Variants in KIAA1217 observed in about 807,000 individuals in gnomAD.
KIAA1217 encodes sickle tail protein homolog.
KIAA1217 carries 88 observed loss-of-function variants against 163.9 expected under a neutral mutation model. The ratio of observed to expected loss-of-function variants is 0.54; its 90% CI spans 0.45 to 0.64. The LOEUF is 0.64. KIAA1217 is among the 30% of genes least tolerant of loss of function. The pLI, the probability that KIAA1217 is intolerant of heterozygous loss-of-function variation, is 0.00. For missense variants in KIAA1217, 2,372 were observed against 2,475.0 expected (o/e 0.96, Z 0.88); for synonymous variants, 903 against 923.1 (o/e 0.98, Z 0.39).
rs191220544 is a variant in KIAA1217, at chr10:24,307,065, C to G, written c.355-73804C>G. Among the ~76,000 whole-genome samples, 451 of 152,314 alleles carry G rather than the reference C, an allele frequency of 3.0e-3. 7 individuals are homozygous for G. Among genetic ancestry groups the G allele is most frequent in the Admixed American group, 9.7e-3 (149 of 15,308 alleles). ...TGCAGCAGCTTTCACGTCAGTATTT[C>G]TCCTGAAGGTCTTAGTTTATTTTAT... On this transcript the variant is annotated intron_variant, in intron 2 of 20. Coordinates refer to ENST00000376454, the MANE Select transcript of KIAA1217 (RefSeq NM_019590.5).
chr10:24,030,860 A>C (rs1392244545), intron 2 of KIAA1217, among the ~76,000 whole-genome samples: 1 of 152,200 alleles, frequency 6.6e-6, no homozygotes, highest in East Asian at 1.9e-4. Flanking sequence ...TGCCTTTTTA[A>C]GGCTAAAGAA....
intron 2 of KIAA1217, among the ~76,000 whole-genome samples, chr10:24,039,242 C>G (rs768845899): frequency 1.1e-4 from 16 of 152,100 alleles, no homozygotes; most frequent in Non-Finnish European, 1.9e-4. Context: ...ACCCCCACCC[C>G]AGCAGTGCAG....
At chr10:23,968,956 G>A (rs917203988) in intron 1 of KIAA1217, among the ~76,000 whole-genome samples, 3 of 152,160 alleles carry the variant, frequency 2.0e-5, no homozygotes, top group Non-Finnish European at 2.9e-5. Flanking sequence ...AAGTTTTCAT[G>A]TGGGTCTATC....
chr10:24,515,527 G>A (rs1305524865), intron 10 of KIAA1217, among the ~76,000 whole-genome samples: 4 of 152,142 alleles, frequency 2.6e-5, no homozygotes, highest in African/African-American at 9.7e-5. Flanking sequence ...ATCATAAGAG[G>A]GCTTTATCTG....
chr10:24,390,895 C>T (rs1425705472), intron 3 of KIAA1217, among the ~76,000 whole-genome samples: 3 of 152,176 alleles, frequency 2.0e-5, no homozygotes, highest in African/African-American at 7.2e-5. Flanking sequence ...CAGGTTTCCT[C>T]ACTTGGCTCC....
intron 2 of KIAA1217, among the ~76,000 whole-genome samples, chr10:24,050,260 GT>G (rs1849404959): frequency 6.6e-6 from 1 of 152,116 alleles, no homozygotes; most frequent in African/African-American, 2.4e-5. Flanking sequence ...TAGGTTGCCT[GT>G]TCACTCTGAT....
At chr10:24,278,667 A>T (rs1337822635) in intron 2 of KIAA1217, among the ~76,000 whole-genome samples, 1 of 152,096 alleles carries the variant, frequency 6.6e-6, no homozygotes, top group Non-Finnish European at 1.5e-5. Flanking sequence ...GAGTAACCTA[A>T]TGTGTGCTGT....
At chr10:24,089,239 G>A (rs544064204) in intron 2 of KIAA1217, among the ~76,000 whole-genome samples, 2 of 125,028 alleles carry the variant, frequency 1.6e-5, no homozygotes, top group East Asian at 3.9e-4. Flanking sequence ...CTCCCATTCT[G>A]TAAGTTGCCT....
chr10:24,303,705 C>T (rs754036963), intron 2 of KIAA1217, among the ~76,000 whole-genome samples: 4 of 152,134 alleles, frequency 2.6e-5, no homozygotes, highest in Admixed American at 6.5e-5. Context: ...TCCTGTTGGA[C>T]GTTGAAGGCT....
chr10:24,499,926 G>A (rs1012688516), intron 8 of KIAA1217, among the ~76,000 whole-genome samples: 1 of 152,176 alleles, frequency 6.6e-6, no homozygotes, highest in Non-Finnish European at 1.5e-5. Context: ...AGCAGCATCA[G>A]CATCGCCAAG....
intron 1 of KIAA1217, among the ~76,000 whole-genome samples, chr10:23,845,325 A>G (rs1328454353): frequency 1.3e-5 from 2 of 152,168 alleles, no homozygotes; most frequent in Non-Finnish European, 2.9e-5. Flanking sequence ...GTCTTCCACA[A>G]TGGTTGAACT....
At chr10:23,897,426 A>T (rs1378007398) in intron 1 of KIAA1217, among the ~76,000 whole-genome samples, 1 of 152,050 alleles carries the variant, frequency 6.6e-6, no homozygotes, top group East Asian at 1.9e-4. Context: ...CTTTGGTCTG[A>T]ACTATTCTCT....
In KIAA1217 at chr10:24,041,573, A is replaced by T. The variant is rs115466364; in HGVS notation, c.-171+34199A>T. ...ACATCCCATAACACATCACACAGAC[A>T]CACAATTGCCCATTTTATCAGTTAG... On this transcript the variant is annotated intron_variant, in intron 2 of 18. Transcript: ENST00000376462. Among the ~76,000 whole-genome samples the T allele has an allele frequency of 2.4e-3, 358 of 152,222 alleles. 1 individual carries two copies. Among genetic ancestry groups the T allele is most frequent in the African/African-American group, 8.2e-3 (341 of 41,540 alleles).
chr10:23,735,600 C>A (rs1838748096), intron 1 of KIAA1217, among the ~76,000 whole-genome samples: 1 of 151,550 alleles, frequency 6.6e-6, no homozygotes, highest in Admixed American at 6.6e-5. Context: ...CTGTGAAATG[C>A]CTTTTTGTGT....
At chr10:24,474,805 C>G (rs541506218) in intron 6 of KIAA1217, among the ~76,000 whole-genome samples, 1 of 152,278 alleles carries the variant, frequency 6.6e-6, no homozygotes, top group East Asian at 1.9e-4. Context: ...TTTCTCTAGC[C>G]TGAATTGGTT....
intron 6 of KIAA1217, among the ~76,000 whole-genome samples, chr10:24,475,801 A>G (rs1363971033): frequency 6.6e-6 from 1 of 152,202 alleles, no homozygotes; most frequent in Non-Finnish European, 1.5e-5. Flanking sequence ...AAGATGTGCG[A>G]TAAGTCTTGG....
At position 24,364,951 on chromosome 10, in the gene KIAA1217, A is replaced by C. The variant is rs562611404; in HGVS notation, c.355-15918A>C. Reference sequence around the variant, plus strand: ...GTAGCTAGGACTACAGGCACTTGTCACCACACCAAGCTAAATTTTTTCTTT... The same window carrying C: ...GTAGCTAGGACTACAGGCACTTGTCCCCACACCAAGCTAAATTTTTTCTTT... On this transcript the variant is annotated intron_variant, in intron 2 of 20. Transcript: ENST00000376454. Among the ~76,000 whole-genome samples, 11 of 151,956 alleles carry C rather than the reference A, an allele frequency of 7.2e-5. No individual in the cohort carries two copies. The South Asian group carries it at 2.3e-3, about 32-fold the overall frequency.
At chr10:24,044,221 C>T (rs965175654) in intron 2 of KIAA1217, among the ~76,000 whole-genome samples, 1 of 152,134 alleles carries the variant, frequency 6.6e-6, no homozygotes, top group Non-Finnish European at 1.5e-5. Context: ...GTTGGCAAAT[C>T]GGACTATGAG....
chr10:23,856,281 G>C (rs7918303), intron 1 of KIAA1217, among the ~76,000 whole-genome samples: 22,163 of 152,202 alleles, frequency 0.15, 2,026 homozygotes, highest in Middle Eastern at 0.21. Context: ...GTCCACTCCA[G>C]ACCCTGTTTG....
Sources: gnomAD v4.1 joint callset for allele counts (sites outside exome capture counted in the v4.1 genomes callset) on GRCh38, gnomAD v4.1.1 for gene constraint, MANE v1.5 for transcripts, NCBI Gene and HGNC (gene_info 2026-07-23, HGNC 2026-07-21) for gene names.